RGS7: variants seen among roughly 807,000 people sequenced by gnomAD.
RGS7 encodes regulator of G protein signaling 7.
RGS7 carries 27 observed loss-of-function variants against 81.1 expected under a neutral mutation model. That is an observed-to-expected ratio of 0.33 (90% CI 0.25 to 0.46). RGS7 has a LOEUF of 0.46. Among genes scored for constraint, RGS7 ranks in the 20% least tolerant of loss-of-function variants. The pLI is 1.00. For missense variants in RGS7, 396 were observed against 607.4 expected, an observed-to-expected ratio of 0.65 and a Z score of 3.66; for synonymous variants, 208 against 207.7, an observed-to-expected ratio of 1.00 and a Z score of -0.01.
intron 10 of RGS7, among the ~76,000 whole-genome samples, chr1:240,824,921 G>A (rs1196806139): frequency 2.0e-5 from 3 of 152,078 alleles, no homozygotes; most frequent in Non-Finnish European, 2.9e-5. Flanking sequence ...CTGAGGACAC[G>A]AGAAGAAGGC....
chr1:241,028,168 C>A (rs193217270), intron 3 of RGS7, among the ~76,000 whole-genome samples: 1 of 152,140 alleles, frequency 6.6e-6, no homozygotes, highest in Non-Finnish European at 1.5e-5. Context: ...TCCCTTTCAA[C>A]GTTTGGATGT....
intron 2 of RGS7, among the ~76,000 whole-genome samples, chr1:241,262,965 G>C (rs1009121687): frequency 6.6e-6 from 1 of 152,122 alleles, no homozygotes; most frequent in Admixed American, 6.5e-5. Flanking sequence ...CAGGCATGGT[G>C]GCGGACACCT....
rs1329507027 is a variant in RGS7 at position 240,879,464 on chromosome 1, A to G, written c.386-9345T>C. On this transcript the variant is annotated intron_variant, in intron 6 of 18. Coordinates refer to ENST00000440928, the MANE Select transcript of RGS7 (RefSeq NM_001364886.1). ...ATCTAAAGATACTTGTTCTTTTTAC[A>G]GATGAATTTAAAAATCCCCATTCAT... is the stretch of plus-strand genomic sequence containing the variant. Among the ~76,000 whole-genome samples the G allele has an allele frequency of 3.3e-5, 5 of 152,334 alleles. No homozygotes were observed. In the East Asian group the frequency reaches 9.6e-4, roughly 29 times the overall value.
At chr1:241,348,952 A>T (rs1279873447) in intron 2 of RGS7, among the ~76,000 whole-genome samples, 1 of 152,124 alleles carries the variant, frequency 6.6e-6, no homozygotes, top group African/African-American at 2.4e-5. Context: ...AGGGTACCCC[A>T]CCTGGCATAT....
chr1:241,330,674 T>A (rs1234879751), intron 2 of RGS7, among the ~76,000 whole-genome samples: 1 of 152,226 alleles, frequency 6.6e-6, no homozygotes, highest in African/African-American at 2.4e-5. Context: ...ATAGCTATAT[T>A]TGTTTATGGA....
chr1:240,894,828 T>C (rs1264330873), intron 6 of RGS7, among the ~76,000 whole-genome samples: 1 of 152,214 alleles, frequency 6.6e-6, no homozygotes, highest in Non-Finnish European at 1.5e-5. Context: ...TTCAGAAGAA[T>C]AGGTTTTCTT....
At chr1:241,297,114 T>C (rs1915863) in intron 2 of RGS7, among the ~76,000 whole-genome samples, 146,362 of 152,226 alleles carry the variant, frequency 0.96, 70,623 homozygotes, top group East Asian at 1. Flanking sequence ...TTGCCTCATG[T>C]CTTTCCAATG....
At chr1:241,348,865 T>G (rs1426555693) in intron 2 of RGS7, among the ~76,000 whole-genome samples, 2 of 152,200 alleles carry the variant, frequency 1.3e-5, no homozygotes, top group African/African-American at 4.8e-5. Context: ...AGCCTCCTCT[T>G]TATCTTACCA....
intron 6 of RGS7, among the ~76,000 whole-genome samples, chr1:240,912,873 T>C (rs2148259978): frequency 6.6e-6 from 1 of 152,352 alleles, no homozygotes; most frequent in East Asian, 1.9e-4. Flanking sequence ...TGAACATCTG[T>C]TGCTACCAAA....
intron 2 of RGS7, among the ~76,000 whole-genome samples, chr1:241,139,091 T>A (rs2067729423): frequency 6.6e-6 from 1 of 152,196 alleles, no homozygotes; most frequent in Admixed American, 6.5e-5. Context: ...TGGCAGATTT[T>A]TTTTTTAGGT....
intron 3 of RGS7, among the ~76,000 whole-genome samples, chr1:241,000,814 A>ATTTTTT (rs10691671): frequency 7.7e-6 from 1 of 130,410 alleles, no homozygotes; most frequent in Non-Finnish European, 1.6e-5. Context: ...CACCCAGCTA[A>ATTTTTT]TTTTTTTTTT....
chr1:240,841,493 G>T (rs888058116), intron 9 of RGS7, among the ~76,000 whole-genome samples: 9 of 152,118 alleles, frequency 5.9e-5, no homozygotes, highest in Non-Finnish European at 8.8e-5. Flanking sequence ...CCCCATATGA[G>T]AAAAACCTGG....
chr1:240,858,524 T>C (rs1017688896), intron 9 of RGS7, among the ~76,000 whole-genome samples: 1 of 152,214 alleles, frequency 6.6e-6, no homozygotes, highest in East Asian at 1.9e-4. Context: ...GTATGTTTTT[T>C]GGTGCAGTGT....
intron 2 of RGS7, among the ~76,000 whole-genome samples, chr1:241,315,700 C>T (rs959388612): frequency 2.0e-5 from 3 of 152,132 alleles, no homozygotes; most frequent in Non-Finnish European, 4.4e-5. Context: ...CCTTTTCTAG[C>T]CTAACTGCCC....
At chr1:240,939,863 G>T (rs528230759) in intron 4 of RGS7, among the ~76,000 whole-genome samples, 5 of 152,066 alleles carry the variant, frequency 3.3e-5, no homozygotes, top group Admixed American at 3.3e-4. Context: ...TTGAGGCCAG[G>T]AGTTCAAGAC....
intron 2 of RGS7, among the ~76,000 whole-genome samples, chr1:241,291,207 T>C (rs6697953): frequency 0.69 from 104,738 of 152,090 alleles, 36,689 homozygotes; most frequent in East Asian, 0.85. Flanking sequence ...GAAGACCATG[T>C]GCCAAGTTCC....
intron 2 of RGS7, among the ~76,000 whole-genome samples, chr1:241,268,114 T>G (rs1471117944): frequency 6.6e-6 from 1 of 152,116 alleles, no homozygotes; most frequent in African/African-American, 2.4e-5. Context: ...AGTGAGAGCT[T>G]TTTTATTGGG....
At chr1:241,017,625 T>C (rs1187533193) in intron 3 of RGS7, among the ~76,000 whole-genome samples, 4 of 152,150 alleles carry the variant, frequency 2.6e-5, no homozygotes, top group Non-Finnish European at 5.9e-5. Flanking sequence ...TTCAAAGATT[T>C]TTCTCCATTC....
intron 18 of RGS7, among the ~76,000 whole-genome samples, chr1:240,777,384 CAGTT>C (rs935718512): frequency 6.6e-6 from 1 of 151,946 alleles, no homozygotes; most frequent in African/African-American, 2.4e-5. Context: ...TTATGTGGGC[CAGTT>C]ATTTAATGAA....
Sources: gnomAD v4.1 joint callset for allele counts (sites outside exome capture counted in the v4.1 genomes callset) on GRCh38, gnomAD v4.1.1 for gene constraint, MANE v1.5 for transcripts, NCBI Gene and HGNC (gene_info 2026-07-23, HGNC 2026-07-21) for gene names.